Variants in SNX25 observed in about 807,000 individuals in gnomAD.
SNX25 encodes sorting nexin 25, also known as sorting nexin-25.
A neutral mutation model predicts 113.7 loss-of-function variants in SNX25; 62 were observed. The observed-to-expected ratio is 0.55, with a 90% CI of 0.44 to 0.67. The LOEUF (loss-of-function observed/expected upper bound fraction) is 0.67. SNX25 is among the 30% of genes least tolerant of loss of function. The pLI is 0.00. For synonymous variants in SNX25, 421 were observed against 436.2 expected, an observed-to-expected ratio of 0.97 and a Z score of 0.43; for missense variants, 1,014 against 1,161.0, an observed-to-expected ratio of 0.87 and a Z score of 1.84.
At chr4:185,342,258 T>C in intron 12 of SNX25, 142 bp downstream of exon 12, 1 of 978,470 alleles carries the variant, frequency 1.0e-6, no homozygotes, top group Non-Finnish European at 1.4e-6. Context: ...TTTGGAAATT[T>C]ACTCATAGAT....
At chr4:185,304,063 A>G (rs187267354) in intron 6 of SNX25, among the ~76,000 whole-genome samples, 1 of 152,326 alleles carries the variant, frequency 6.6e-6, no homozygotes, top group African/African-American at 2.4e-5. Context: ...ACCATTTCTC[A>G]CTTCAAATCT....
rs796144498 is a variant in SNX25, at chr4:185,215,228, CA to C, written c.429+4986del. 4.2e-3 allele frequency among the ~76,000 whole-genome samples: 601 copies of C among 141,828 alleles called. 15 individuals carry two copies. In the South Asian group the frequency reaches 0.061, roughly 14 times the overall value. 93.0% of individuals were successfully genotyped at this position (141,828 alleles called of 152,430 possible). A position where few individuals can be genotyped will look rare whatever the true frequency, so the allele number is the denominator to read the frequency against. On this transcript the variant is annotated intron_variant, in intron 1 of 18. Transcript: ENST00000652585. ...TGGGCGACAGAGCGAGACTCCGTCT[CA>C]AAAAAAAAAAAATCTGGAATAAAGC...
intron 1 of SNX25, among the ~76,000 whole-genome samples, chr4:185,225,253 G>A (rs1740807492): frequency 6.6e-6 from 1 of 152,018 alleles, no homozygotes; most frequent in South Asian, 2.1e-4. Flanking sequence ...TGAGTAGCTG[G>A]AACTATAGGC....
At chr4:185,229,854 G>A (rs565629289) in intron 1 of SNX25, among the ~76,000 whole-genome samples, 17 of 152,186 alleles carry the variant, frequency 1.1e-4, no homozygotes, top group African/African-American at 4.1e-4. Flanking sequence ...TAGAGACAGG[G>A]TCTCACTCCT....
At chr4:185,242,354 A>G (rs763886335) in intron 1 of SNX25, among the ~76,000 whole-genome samples, 4 of 152,136 alleles carry the variant, frequency 2.6e-5, no homozygotes, top group Non-Finnish European at 5.9e-5. Context: ...AGTGAAGCTC[A>G]GTCCCCAAGA....
At chr4:185,267,889 A>G (rs1456985922) in intron 5 of SNX25, among the ~76,000 whole-genome samples, 1 of 152,252 alleles carries the variant, frequency 6.6e-6, no homozygotes, top group Non-Finnish European at 1.5e-5. Context: ...GGAGAAAAGA[A>G]AATATTATGA....
At chr4:185,215,888 C>T (rs972891140) in intron 1 of SNX25, among the ~76,000 whole-genome samples, 3 of 151,686 alleles carry the variant, frequency 2.0e-5, no homozygotes, top group African/African-American at 7.3e-5. Flanking sequence ...CTCCTGGGCT[C>T]AAGCCATCCT....
intron 3 of SNX25, among the ~76,000 whole-genome samples, chr4:185,260,029 C>A (rs1031134284): frequency 1.3e-5 from 2 of 152,054 alleles, no homozygotes; most frequent in Non-Finnish European, 2.9e-5. Context: ...CAGTGTTTTG[C>A]GAACTTTTTT....
intron 12 of SNX25, among the ~76,000 whole-genome samples, chr4:185,344,609 C>G (rs1235676649): frequency 6.6e-6 from 1 of 151,986 alleles, no homozygotes; most frequent in Non-Finnish European, 1.5e-5. Context: ...ACATACGCAG[C>G]CTGTCTCAAA....
chr4:185,266,422 G>A (rs1470950218), intron 4 of SNX25, among the ~76,000 whole-genome samples: 3 of 152,190 alleles, frequency 2.0e-5, no homozygotes, highest in Middle Eastern at 3.4e-3. Flanking sequence ...GTGCAGTGGC[G>A]AGATCTCGGC....
chr4:185,341,006 C>G (rs1477093926), intron 11 of SNX25, among the ~76,000 whole-genome samples: 1 of 152,196 alleles, frequency 6.6e-6, no homozygotes, highest in Non-Finnish European at 1.5e-5. Context: ...ACTTCCCTAT[C>G]CTTACAGTGG....
At chr4:185,297,646 A>G (rs1254861646) in intron 6 of SNX25, among the ~76,000 whole-genome samples, 1 of 152,224 alleles carries the variant, frequency 6.6e-6, no homozygotes, top group East Asian at 1.9e-4. Flanking sequence ...GGGAGGTCCA[A>G]GATCAAGGTA....
At chr4:185,247,228 AT>A (rs550563470) in intron 1 of SNX25, 65 bp from the exon 2 acceptor site, 18,933 of 912,116 alleles carry the variant, frequency 0.021, 151 homozygotes, top group African/African-American at 0.07. Flanking sequence ...CATACCTTTG[AT>A]TTTTTTTTTT....
chr4:185,376,443 CTTTT>C, the SNX25 span, among the ~76,000 whole-genome samples: 2 of 105,792 alleles, frequency 1.9e-5, no homozygotes, highest in Admixed American at 1.1e-4. Context: ...TGCCCAGCTA[CTTTT>C]TTTTTTTTTT....
chr4:185,329,431 G>GACCCAGCGTCCTCTTTCCTA, intron 9 of SNX25, among the ~76,000 whole-genome samples: 1 of 152,120 alleles, frequency 6.6e-6, no homozygotes, highest in East Asian at 1.9e-4. Flanking sequence ...AAAAGACAGA[G>GACCCAGCGTCCTCTTTCCTA]ACCCAGCGTC....
At position 185,287,155 on chromosome 4, in the gene SNX25, C is replaced by T. The variant is rs189380055; in HGVS notation, c.1092-857C>T. On this transcript the variant is annotated intron_variant, in intron 5 of 18. Transcript: ENST00000652585. The stretch of plus-strand genomic sequence containing the variant: ...CTCTTAAGAATTTGGATTTGTAAAG[C>T]CCAATTGAATTTATGCTCAAAATAG... Among the ~76,000 whole-genome samples the T allele has an allele frequency of 3.3e-5, 5 of 152,266 alleles. No individual in the cohort carries two copies. In the East Asian group the frequency reaches 7.7e-4, roughly 23 times the overall value.
intron 1 of SNX25, among the ~76,000 whole-genome samples, chr4:185,240,860 C>T (rs1223074377): frequency 2.0e-5 from 3 of 148,242 alleles, no homozygotes; most frequent in African/African-American, 7.6e-5. Flanking sequence ...CGGGCAGAGA[C>T]GCTCCTCACA....
intron 11 of SNX25, among the ~76,000 whole-genome samples, chr4:185,369,107 C>G (rs1463788168): frequency 6.7e-6 from 1 of 149,932 alleles, no homozygotes; most frequent in Non-Finnish European, 1.5e-5. Context: ...TTTTGTTGTT[C>G]TAGTCAGGAT....
downstream of SNX25, chr4:185,370,885 A>G: frequency 1.3e-6 from 2 of 1,504,260 alleles, no homozygotes; most frequent in African/African-American, 1.4e-5. Flanking sequence ...CGATGCGCCT[A>G]GAGACTGTCC....
Sources: gnomAD v4.1 joint callset for allele counts (sites outside exome capture counted in the v4.1 genomes callset) on GRCh38, gnomAD v4.1.1 for gene constraint, MANE v1.5 for transcripts, NCBI Gene and HGNC (gene_info 2026-07-23, HGNC 2026-07-21) for gene names.